The following DNAJC21 variants were observed in gnomAD, a reference collection of about 807,000 sequenced individuals.
DNAJC21 encodes the protein dnaJ homolog subfamily C member 21.
A neutral mutation model predicts 72.4 loss-of-function variants in DNAJC21; 63 were observed. The observed-to-expected ratio is 0.87, with a 90% CI of 0.71 to 1.07. The LOEUF (loss-of-function observed/expected upper bound fraction) is 1.07. Among genes scored for constraint, DNAJC21 ranks in the 50% least tolerant of loss-of-function variants. The pLI is 0.00. For missense variants in DNAJC21, 634 were observed against 644.8 expected, an observed-to-expected ratio of 0.98 and a Z score of 0.18; for synonymous variants, 203 against 216.7, an observed-to-expected ratio of 0.94 and a Z score of 0.56.
Position 34,929,896 on chromosome 5 carries a change from T to C in DNAJC21, c.77T>C (p.Leu26Pro). 1 of 1,583,154 alleles carries C rather than the reference T, an allele frequency of 6.3e-7. No homozygotes were observed. Among genetic ancestry groups the C allele is most frequent in the Admixed American group, 1.7e-5 (1 of 57,514 alleles). ...GAGCTCAAGAAGGCCTATCGGAAGC[T>C]GGCCCTGAAATGGCACCCGGGTAAG... ...EEELKKAYRKLALKWHPDKNL... is the reference protein window; with the variant it reads ...EEELKKAYRKPALKWHPDKNL... The change falls in exon 1 of 12, where the codon CTG (leucine) becomes CCG (proline). Residue 26 changes from leucine (L) to proline (P), a missense_variant. Physicochemically the swap from Leu to Pro is moderately conservative, Grantham distance 98. Coordinates refer to ENST00000648817, the MANE Select transcript of DNAJC21 (RefSeq NM_001012339.3).
At chr5:34,937,721 C>T (rs571276486) in intron 5 of DNAJC21, 91 bp downstream of exon 5, 52 of 1,448,002 alleles carry the variant, frequency 3.6e-5, no homozygotes, top group Non-Finnish European at 5.6e-6. Flanking sequence ...TGGGTTCAGT[C>T]ATCAGCCTGG....
chr5:34,951,533 T>C, intron 10 of DNAJC21: 2 of 969,626 alleles, frequency 2.1e-6, no homozygotes, highest in Non-Finnish European at 1.2e-6. Context: ...TACTTCTTTT[T>C]TTTTTTTTTT....
chr5:34,949,484 A>G (rs1176046727), intron 9 of DNAJC21: 1 of 1,548,522 alleles, frequency 6.5e-7, no homozygotes, highest in East Asian at 2.4e-5. Context: ...TGTAACAGAT[A>G]ATATTAGCAT....
Position 34,954,596 on chromosome 5 carries a change from C to T in DNAJC21, c.1478C>T (p.Ser493Phe). Residue 493 changes from serine to phenylalanine, a missense_variant, in exon 12 of 12, where the codon TCT becomes TTT. By Grantham distance (155) the Ser-to-Phe change is radical (BLOSUM62 -2). Transcript: ENST00000648817. ...SCTTCHSEFP[S>F]RNKLFDHLKA... ...ACAACCTGCCATAGTGAATTTCCAT[C>T]TCGGAATAAACTTTTTGACCATCTA... The T allele has an allele frequency of 6.2e-7, 1 of 1,613,138 alleles. No homozygotes were observed. Among genetic ancestry groups the T allele is most frequent in the South Asian group, 1.1e-5 (1 of 90,920 alleles).
At chr5:34,945,723 G>T (rs1765155237) in intron 8 of DNAJC21, 38 bp from the exon 9 acceptor site, 1 of 1,530,106 alleles carries the variant, frequency 6.5e-7, no homozygotes, top group South Asian at 1.3e-5. Context: ...TCTTCACAGA[G>T]TCAAGTATTT....
chr5:34,954,475 A>C, intron 11 of DNAJC21, 78 bp from the exon 12 acceptor site: 1 of 1,449,250 alleles, frequency 6.9e-7, no homozygotes, highest in Non-Finnish European at 9.2e-7. Context: ...TTTGATGCTT[A>C]ATCTTGATAT....
At chr5:34,945,841 G>T in intron 9 of DNAJC21, 38 bp downstream of exon 9, 1 of 1,435,086 alleles carries the variant, frequency 7.0e-7, no homozygotes, top group East Asian at 2.4e-5. Flanking sequence ...AAATGCCAAC[G>T]ATAAAGTTGC....
chr5:34,944,823 G>A (rs752323324), intron 7 of DNAJC21, 44 bp from the exon 8 acceptor site: 10 of 1,607,960 alleles, frequency 6.2e-6, no homozygotes, highest in Non-Finnish European at 7.6e-6. Context: ...CTGGACACGT[G>A]AACTAATTTT....
At chr5:34,940,003 C>T (rs1339610397) in intron 6 of DNAJC21, among the ~76,000 whole-genome samples, 1 of 152,146 alleles carries the variant, frequency 6.6e-6, no homozygotes, top group Non-Finnish European at 1.5e-5. Context: ...ATAAATCACT[C>T]TATAAATGTG....
intron 1 of DNAJC21, among the ~76,000 whole-genome samples, chr5:34,931,494 C>A (rs27599): frequency 0.89 from 135,872 of 152,208 alleles, 61,790 homozygotes; most frequent in Non-Finnish European, 0.98. Context: ...AATGAAGTAG[C>A]GAATGCTGTG....
chr5:34,933,785 G>C, intron 1 of DNAJC21, 30 bp from the exon 2 acceptor site: 1 of 1,589,442 alleles, frequency 6.3e-7, no homozygotes, highest in South Asian at 1.1e-5. Flanking sequence ...GTACGTTTTT[G>C]ATTGACTTAA....
intron 7 of DNAJC21, among the ~76,000 whole-genome samples, chr5:34,942,851 C>T (rs1765044453): frequency 1.3e-5 from 2 of 152,128 alleles, no homozygotes; most frequent in African/African-American, 4.8e-5. Flanking sequence ...GACAGATCAC[C>T]TGAGGTTGGG....
chr5:34,958,234 G>T lies in DNAJC21; in HGVS notation c.*3520G>T, dbSNP rs1765591279. ...ATGAACTTGTCCTAACAATGTCAAA[G>T]AATATTTTAAAGGTATACCAGTTAA... On this transcript the variant is annotated 3_prime_UTR_variant, in exon 12 of 12. Coordinates refer to ENST00000648817, the MANE Select transcript of DNAJC21 (RefSeq NM_001012339.3). 1 of 152,186 alleles carries T rather than the reference G, an allele frequency of 6.6e-6. No homozygotes were observed. The highest frequency in any genetic ancestry group is 2.4e-5 in the African/African-American group (1 of 41,448). 9.4% of individuals were successfully genotyped at this position (152,186 alleles called of 1,614,324 possible). A position where few individuals can be genotyped will look rare whatever the true frequency, so the allele number is the denominator to read the frequency against.
chr5:34,933,355 T>A (rs922149668), intron 1 of DNAJC21, among the ~76,000 whole-genome samples: 8 of 152,212 alleles, frequency 5.3e-5, no homozygotes, highest in African/African-American at 1.2e-4. Flanking sequence ...CACTACAACC[T>A]CTGCTTCTTG....
In DNAJC21 at chr5:34,937,399, A is replaced by G; in HGVS notation, c.512A>G (p.Asp171Gly). The G allele has an allele frequency of 6.2e-7, 1 of 1,614,204 alleles. No homozygotes were observed. Among genetic ancestry groups the G allele is most frequent in the Non-Finnish European group, 8.5e-7 (1 of 1,180,044 alleles). ...QKNFAWKEEY[D>G]TRQASNRWEK... ...AATTTTGCATGGAAGGAAGAATATG[A>G]TACACGACAGGCTTCAAACCGCTGG... The change falls in exon 5 of 12, where the codon GAT becomes GGT. Residue 171 changes from aspartate to glycine, a missense_variant. Transcript: ENST00000648817.
intron 11 of DNAJC21, 173 bp downstream of exon 11, chr5:34,954,174 AAAG>A (rs1333459429): frequency 5.4e-5 from 30 of 556,764 alleles, no homozygotes; most frequent in Non-Finnish European, 6.9e-5. Flanking sequence ...ATTAAAATAA[AAAG>A]AAGCACATTG....
Position 34,951,653 on chromosome 5 carries a change from G to A in DNAJC21, c.1358+1311G>A, listed in dbSNP as rs773295841. The A allele has an allele frequency of 6.9e-4, 576 of 839,452 alleles. 1 individual carries two copies. Among genetic ancestry groups the A allele is most frequent in the Admixed American group, 8.1e-4 (13 of 16,024 alleles). 52.0% of individuals were successfully genotyped at this position (839,452 alleles called of 1,614,324 possible). On this transcript the variant is annotated intron_variant, in intron 10 of 11. Coordinates refer to ENST00000648817, the MANE Select transcript of DNAJC21 (RefSeq NM_001012339.3). Reference sequence around the variant, plus strand: ...AGCAATTCTCCTGCCTCAGCCTCTCGAGTTGCTGGGACTGCAGGCATGCAC... The same window carrying A: ...AGCAATTCTCCTGCCTCAGCCTCTCAAGTTGCTGGGACTGCAGGCATGCAC...
chr5:34,943,538 GT>G (rs1253501128), intron 7 of DNAJC21, among the ~76,000 whole-genome samples: 6 of 152,298 alleles, frequency 3.9e-5, no homozygotes, highest in East Asian at 1.9e-4. Context: ...TATAGAGTTA[GT>G]ATTTTTTCCC....
At chr5:34,936,067 C>A in intron 3 of DNAJC21, 77 bp from the exon 4 acceptor site, 1 of 1,542,230 alleles carries the variant, frequency 6.5e-7, no homozygotes, top group Non-Finnish European at 8.7e-7. Flanking sequence ...TAAAATTTTT[C>A]ATTTTGTATT....
Sources: gnomAD v4.1 joint callset for allele counts (sites outside exome capture counted in the v4.1 genomes callset) on GRCh38, gnomAD v4.1.1 for gene constraint, MANE v1.5 for transcripts, NCBI Gene and HGNC (gene_info 2026-07-23, HGNC 2026-07-21) for gene names.